Variants in LRRIQ3 observed in about 807,000 individuals in gnomAD.
LRRIQ3 encodes the protein leucine-rich repeat and IQ domain-containing protein 3.
In LRRIQ3, 75 loss-of-function variants were observed where a neutral mutation model predicts 59.3. That is an observed-to-expected ratio of 1.26 (90% CI 1.05 to 1.53). The LOEUF (loss-of-function observed/expected upper bound fraction) is 1.53. Among genes scored for constraint, LRRIQ3 ranks in the 40% most tolerant of loss-of-function variants. LRRIQ3 has a pLI of 0.00. For synonymous variants in LRRIQ3, 250 were observed against 231.3 expected (o/e 1.08, Z -0.73); for missense variants, 831 against 710.0 (o/e 1.17, Z -1.94).
At chr1:74,132,045 C>T (rs577197195) in intron 4 of LRRIQ3, among the ~76,000 whole-genome samples, 1 of 152,164 alleles carries the variant, frequency 6.6e-6, no homozygotes, top group African/African-American at 2.4e-5. Context: ...GATACAAAAT[C>T]AATGTGCAAA....
intron 4 of LRRIQ3, among the ~76,000 whole-genome samples, chr1:74,111,712 G>T (rs1646697453): frequency 6.6e-6 from 1 of 151,988 alleles, no homozygotes; most frequent in African/African-American, 2.4e-5. Flanking sequence ...TGTTAACAGT[G>T]AATCTTTGCC....
intron 5 of LRRIQ3, among the ~76,000 whole-genome samples, chr1:74,080,898 T>C (rs1356048019): frequency 6.6e-6 from 1 of 151,442 alleles, no homozygotes; most frequent in Non-Finnish European, 1.5e-5. Flanking sequence ...AACTATAGAG[T>C]AGCACTTGGA....
chr1:74,171,604 TTTC>T (rs551083284), intron 3 of LRRIQ3, among the ~76,000 whole-genome samples: 35 of 152,154 alleles, frequency 2.3e-4, no homozygotes, highest in Non-Finnish European at 3.5e-4. Context: ...GACCTGTAGT[TTTC>T]TTGTGTTGTT....
At chr1:74,148,509 G>A (rs1647719794) in intron 4 of LRRIQ3, among the ~76,000 whole-genome samples, 1 of 152,136 alleles carries the variant, frequency 6.6e-6, no homozygotes, top group Non-Finnish European at 1.5e-5. Context: ...TATGGTTGTG[G>A]TTAGGCCAGT....
In LRRIQ3 at chr1:74,034,918, A is replaced by T. The variant is rs143698385; in HGVS notation, c.1718+6295T>A. Among the ~76,000 whole-genome samples the T allele has an allele frequency of 6.3e-3, 956 of 152,166 alleles. 4 individuals are homozygous for T. The highest frequency in any genetic ancestry group is 0.013 in the Admixed American group (201 of 15,272). ...AAATGTTTCTATACAAGCCTTAAAT[A>T]TGTATGTACATAATTTGGCCATTTG... On this transcript the variant is annotated intron_variant, in intron 7 of 7. Coordinates refer to ENST00000354431, the MANE Select transcript of LRRIQ3 (RefSeq NM_001105659.2).
At chr1:74,033,835 T>TG (rs1653790834) in intron 7 of LRRIQ3, among the ~76,000 whole-genome samples, 1 of 151,968 alleles carries the variant, frequency 6.6e-6, no homozygotes, top group Non-Finnish European at 1.5e-5. Context: ...AAAACCACTT[T>TG]ATTTTCTAGC....
chr1:74,044,224 G>T (rs1345547271), intron 6 of LRRIQ3, among the ~76,000 whole-genome samples: 5 of 152,060 alleles, frequency 3.3e-5, no homozygotes, highest in African/African-American at 1.2e-4. Context: ...GGTTTGTGCA[G>T]CAATGTAGTT....
chr1:74,159,587 A>C (rs1648543902), intron 3 of LRRIQ3, among the ~76,000 whole-genome samples: 1 of 152,074 alleles, frequency 6.6e-6, no homozygotes, highest in African/African-American at 2.4e-5. Flanking sequence ...CAAACATTTA[A>C]ACATTTGATT....
intron 4 of LRRIQ3, among the ~76,000 whole-genome samples, chr1:74,123,654 A>C (rs899360211): frequency 6.6e-6 from 1 of 152,058 alleles, no homozygotes; most frequent in Non-Finnish European, 1.5e-5. Flanking sequence ...CTGTGGCTGA[A>C]TAGTATTTCA....
chr1:74,160,100 T>A (rs1259208142), intron 3 of LRRIQ3, among the ~76,000 whole-genome samples: 1 of 152,024 alleles, frequency 6.6e-6, no homozygotes, highest in Non-Finnish European at 1.5e-5. Flanking sequence ...GCCTGAAATG[T>A]TTCCCCAAGA....
At chr1:74,032,250 T>C (rs942120483) in intron 7 of LRRIQ3, among the ~76,000 whole-genome samples, 7 of 152,094 alleles carry the variant, frequency 4.6e-5, no homozygotes, top group African/African-American at 1.4e-4. Flanking sequence ...GAACAACCAA[T>C]ACAATCTTGG....
intron 5 of LRRIQ3, among the ~76,000 whole-genome samples, chr1:74,087,381 C>CTTTTTTTTTTTTTTTTTT (rs57068994): frequency 8.5e-5 from 5 of 59,006 alleles, no homozygotes; most frequent in African/African-American, 2.9e-4. Flanking sequence ...AAAATTTTAT[C>CTTTTTTTTTTTTTTTTTT]TTTTTTTTTT....
chr1:74,162,415 C>T (rs192990598), intron 3 of LRRIQ3, among the ~76,000 whole-genome samples: 1 of 151,932 alleles, frequency 6.6e-6, no homozygotes, highest in Admixed American at 6.6e-5. Flanking sequence ...AAACTATCAA[C>T]AATCAATAAA....
chr1:74,133,216 G>A (rs1344016770), intron 4 of LRRIQ3, among the ~76,000 whole-genome samples: 1 of 152,072 alleles, frequency 6.6e-6, no homozygotes, highest in African/African-American at 2.4e-5. Flanking sequence ...GAAACAACAG[G>A]TGCTGGAGAG....
chr1:74,163,829 T>C (rs1237211759), intron 3 of LRRIQ3, among the ~76,000 whole-genome samples: 2 of 151,540 alleles, frequency 1.3e-5, no homozygotes, highest in Non-Finnish European at 1.5e-5. Flanking sequence ...TTTCAGAAAA[T>C]GTCAAAATCT....
At chr1:74,193,293 CCA>C (rs1650886433) in intron 1 of LRRIQ3, among the ~76,000 whole-genome samples, 2 of 152,232 alleles carry the variant, frequency 1.3e-5, no homozygotes, top group East Asian at 3.9e-4. Flanking sequence ...AAGTCTCCAA[CCA>C]CAGTTTCAAA....
At chr1:74,080,364 C>T (rs559492418) in intron 5 of LRRIQ3, among the ~76,000 whole-genome samples, 59 of 151,654 alleles carry the variant, frequency 3.9e-4, no homozygotes, top group African/African-American at 1.4e-3. Context: ...TAGAACTCTC[C>T]ACAATTGACA....
chr1:74,124,217 A>AT (rs777723391), intron 4 of LRRIQ3, among the ~76,000 whole-genome samples: 9 of 151,762 alleles, frequency 5.9e-5, no homozygotes, highest in African/African-American at 9.7e-5. Flanking sequence ...AAATTATTAG[A>AT]TTTTTTCCTA....
chr1:74,062,789 TA>T (rs1654760797), intron 6 of LRRIQ3, among the ~76,000 whole-genome samples: 1 of 151,872 alleles, frequency 6.6e-6, no homozygotes, highest in African/African-American at 2.4e-5. Flanking sequence ...ATCAAGTATA[TA>T]TGGATACAAT....
Sources: gnomAD v4.1 joint callset for allele counts (sites outside exome capture counted in the v4.1 genomes callset) on GRCh38, gnomAD v4.1.1 for gene constraint, MANE v1.5 for transcripts, NCBI Gene and HGNC (gene_info 2026-07-23, HGNC 2026-07-21) for gene names.